Variants in LRRFIP2 observed in about 807,000 individuals in gnomAD.
The protein encoded by LRRFIP2 is LRR binding FLII interacting protein 2, also known as leucine-rich repeat flightless-interacting protein 2.
In LRRFIP2, 109 loss-of-function variants were observed where a neutral mutation model predicts 125.9. That is an observed-to-expected ratio of 0.87 (90% CI 0.74 to 1.01). LRRFIP2 has a LOEUF of 1.01. LRRFIP2 is among the 50% of genes least tolerant of loss of function. The pLI is 0.00. For missense variants in LRRFIP2, 850 were observed against 862.3 expected, an observed-to-expected ratio of 0.99 and a Z score of 0.18; for synonymous variants, 291 against 293.1, an observed-to-expected ratio of 0.99 and a Z score of 0.07.
chr3:37,167,499 C>T (rs534053684), intron 1 of LRRFIP2, among the ~76,000 whole-genome samples: 34 of 150,986 alleles, frequency 2.3e-4, no homozygotes, highest in Admixed American at 1.6e-3. Context: ...ACTGAAAATA[C>T]GAAAATTAGC....
Position 37,121,536 on chromosome 3 carries a change from C to T in LRRFIP2, c.286G>A (p.Gly96Arg), listed in dbSNP as rs192585439. ...HRSSHHRPYL[G>R]VEDALSIRSV... is the part of the protein sequence containing the mutation. The stretch of plus-strand genomic sequence containing the variant: ...CGAATGGACAATGCATCCTCAACTC[C>T]CTGATAAAAATGAAAATAAACACAG... Residue 96 changes from glycine (G) to arginine (R), a missense_variant and splice_region_variant, in exon 6 of 28, where the codon GGA (glycine) becomes AGA (arginine). Coordinates refer to ENST00000336686, the MANE Select transcript of LRRFIP2 (RefSeq NM_006309.4). The T allele has an allele frequency of 1.2e-6, 2 of 1,613,926 alleles. No individual in the cohort carries two copies. Among genetic ancestry groups the T allele is most frequent in the Admixed American group, 3.3e-5 (2 of 59,998 alleles).
Position 37,053,141 on chromosome 3 carries a change from T to G in LRRFIP2, c.*710A>C, listed in dbSNP as rs1004146686. The G allele has an allele frequency of 6.6e-6, 1 of 152,612 alleles. No homozygotes were observed. The highest frequency in any genetic ancestry group is 6.5e-5 in the Admixed American group (1 of 15,288). 9.5% of individuals were successfully genotyped at this position (152,612 alleles called of 1,614,324 possible). On this transcript the variant is annotated 3_prime_UTR_variant, in exon 28 of 28. Transcript: ENST00000336686. ...GCAGCAGATAAAATACTTTACAAGG[T>G]ACAGCACAGTTGTATTGAAGAAAAA...
intron 4 of LRRFIP2, among the ~76,000 whole-genome samples, chr3:37,126,181 C>T (rs2095266984): frequency 6.6e-6 from 1 of 151,618 alleles, no homozygotes; most frequent in Non-Finnish European, 1.5e-5. Flanking sequence ...AGGCGCCCGC[C>T]AGCGTGCCTG....
At position 37,164,039 on chromosome 3, in the gene LRRFIP2, A is replaced by G. The variant is rs534586911; in HGVS notation, c.-56+10500T>C. ...AAATAAATTCGTTTTATAGCTTATA[A>G]ATTGATGTTATAAGCTAGAATGGAT... On this transcript the variant is annotated intron_variant, in intron 1 of 27. Transcript: ENST00000336686. 9.2e-5 allele frequency among the ~76,000 whole-genome samples: 14 copies of G among 152,322 alleles called. 2 individuals carry two copies. The South Asian group carries it at 2.9e-3, about 32-fold the overall frequency.
intron 1 of LRRFIP2, among the ~76,000 whole-genome samples, chr3:37,164,389 A>T (rs2096422346): frequency 1.3e-5 from 2 of 152,182 alleles, no homozygotes. Context: ...ATCCGAAGAT[A>T]CTCCTATTTT....
Position 37,064,586 on chromosome 3 carries a change from C to CAAAA in LRRFIP2, c.1700-799_1700-796dup, listed in dbSNP as rs3067690. On this transcript the variant is annotated intron_variant, in intron 23 of 27. Coordinates refer to ENST00000336686, the MANE Select transcript of LRRFIP2 (RefSeq NM_006309.4). ...TGGGCGACCGAGTGAGACTTCGTCT[C>CAAAA]AAAAAAAAAAAAAAAAAAGATGTGG... 581 of 101,010 alleles carry CAAAA rather than the reference C, an allele frequency of 5.8e-3. 10 individuals are homozygous for CAAAA. The highest frequency in any genetic ancestry group is 7.1e-3 in the Non-Finnish European group (364 of 51,214). 6.3% of individuals were successfully genotyped at this position (101,010 alleles called of 1,614,324 possible).
intron 19 of LRRFIP2, among the ~76,000 whole-genome samples, chr3:37,078,480 G>T (rs1481246761): frequency 6.6e-6 from 1 of 152,152 alleles, no homozygotes; most frequent in Admixed American, 6.5e-5. Flanking sequence ...TAGAAACTTT[G>T]AGAACTAGGA....
At chr3:37,159,119 T>C (rs908554986) in intron 1 of LRRFIP2, among the ~76,000 whole-genome samples, 14 of 152,210 alleles carry the variant, frequency 9.2e-5, no homozygotes, top group African/African-American at 3.1e-4. Flanking sequence ...CAGTTTTACC[T>C]CTTATATTTA....
upstream of LRRFIP2, chr3:37,174,872 G>A (rs2096635761): frequency 6.6e-6 from 1 of 152,160 alleles, no homozygotes; most frequent in Non-Finnish European, 1.5e-5. Context: ...TTCACAAAGT[G>A]AGTGATCTAC....
intron 1 of LRRFIP2, chr3:37,174,306 T>C (rs1418297243): frequency 6.6e-6 from 1 of 152,222 alleles, no homozygotes; most frequent in Non-Finnish European, 1.5e-5. Flanking sequence ...TTACTTAACA[T>C]TTTTAAAGTC....
intron 18 of LRRFIP2, among the ~76,000 whole-genome samples, chr3:37,087,471 A>G (rs771715579): frequency 1.3e-5 from 2 of 152,222 alleles, no homozygotes; most frequent in Non-Finnish European, 2.9e-5. Context: ...TATCCAATGT[A>G]ATCTTCCTTT....
intron 8 of LRRFIP2, chr3:37,111,875 T>C: frequency 6.6e-6 from 1 of 152,530 alleles, no homozygotes; most frequent in Non-Finnish European, 1.5e-5. Context: ...CTCGTTAATT[T>C]CCTCCCCATT....
chr3:37,072,827 A>G lies in LRRFIP2; in HGVS notation c.1427T>C (p.Leu476Pro). Residue 476 changes from leucine to proline, a missense_variant, in exon 21 of 28, where the codon CTC becomes CCC. Physicochemically the swap from Leu to Pro is moderately conservative, Grantham distance 98. Coordinates refer to ENST00000336686, the MANE Select transcript of LRRFIP2 (RefSeq NM_006309.4). Reference protein sequence around the residue: ...IDTMTKEVFDLQETLLWKDKK... With the variant: ...IDTMTKEVFDPQETLLWKDKK... ...ATCTTTCCAAAGAAGTGTCTCCTGG[A>G]GGTCAAACACCTCTTTTGTCATGGT... is the stretch of plus-strand genomic sequence containing the variant. 2 of 1,613,316 alleles carry G rather than the reference A, an allele frequency of 1.2e-6. No individual in the cohort carries two copies.
intron 1 of LRRFIP2, chr3:37,154,720 T>G (rs1423980170): frequency 6.6e-6 from 1 of 152,242 alleles, no homozygotes; most frequent in Non-Finnish European, 1.5e-5. Flanking sequence ...TCATATAATA[T>G]ACGTCTGAAA....
upstream of LRRFIP2, chr3:37,175,156 T>C (rs1025736803): frequency 6.6e-6 from 1 of 152,224 alleles, no homozygotes; most frequent in Non-Finnish European, 1.5e-5. Flanking sequence ...AACTTATACA[T>C]CCATACCCCG....
At chr3:37,148,266 A>G (rs1349367222) in intron 2 of LRRFIP2, among the ~76,000 whole-genome samples, 1 of 152,222 alleles carries the variant, frequency 6.6e-6, no homozygotes, top group African/African-American at 2.4e-5. Flanking sequence ...ATATTGTGAA[A>G]ATTGATTATA....
At chr3:37,126,013 T>TTTG (rs35451308) in intron 4 of LRRFIP2, among the ~76,000 whole-genome samples, 52,626 of 151,276 alleles carry the variant, frequency 0.35, 10,268 homozygotes, top group Non-Finnish European at 0.45. Flanking sequence ...AATCAGTTTT[T>TTTG]TTGTTGTTGT....
At chr3:37,058,633 C>G (rs2087601009) in intron 25 of LRRFIP2, among the ~76,000 whole-genome samples, 157 bp downstream of exon 25, 1 of 151,552 alleles carries the variant, frequency 6.6e-6, no homozygotes, top group African/African-American at 2.4e-5. Flanking sequence ...GGAGATTGCA[C>G]CACTGCACTC....
At chr3:37,120,916 T>A (rs1162215859) in intron 6 of LRRFIP2, among the ~76,000 whole-genome samples, 1 of 152,192 alleles carries the variant, frequency 6.6e-6, no homozygotes, top group Non-Finnish European at 1.5e-5. Context: ...GGTCTTGGCA[T>A]AATACAAGGG....
Sources: gnomAD v4.1 joint callset for allele counts (sites outside exome capture counted in the v4.1 genomes callset) on GRCh38, gnomAD v4.1.1 for gene constraint, MANE v1.5 for transcripts, NCBI Gene and HGNC (gene_info 2026-07-23, HGNC 2026-07-21) for gene names.